S100Z: variants seen among roughly 807,000 people sequenced by gnomAD.
The protein encoded by S100Z is S100 calcium binding protein Z.
A neutral mutation model predicts 8.5 loss-of-function variants in S100Z; 11 were observed. That is an observed-to-expected ratio of 1.30 (90% confidence interval 0.82 to 2.15). The LOEUF (loss-of-function observed/expected upper bound fraction) is 2.15. Among genes scored for constraint, S100Z ranks in the 30% most tolerant of loss-of-function variants. The probability of loss-of-function intolerance (pLI) is 0.00; values close to 1 mark genes in which losing one functional copy is unlikely to be tolerated. For missense variants in S100Z, 126 were observed against 117.9 expected (o/e 1.07, Z -0.32); for synonymous variants, 34 against 43.8 (o/e 0.78, Z 0.89).
At chr5:76,896,224 C>T (rs111548043) in intron 4 of S100Z, among the ~76,000 whole-genome samples, 13 of 152,266 alleles carry the variant, frequency 8.5e-5, no homozygotes, top group African/African-American at 3.1e-4. Context: ...TCATTCTACT[C>T]TCTATGTCCA....
In S100Z at chr5:76,899,817, T is replaced by C. The variant is rs139603226; in HGVS notation, c.*3-20900T>C. The stretch of plus-strand genomic sequence containing the variant: ...TGCAGTGTTATTCTTTGTTTTTCTC[T>C]ATACTTACTATTATCAGTGAGTTTT... On this transcript the variant is annotated intron_variant, in intron 4 of 4. Coordinates refer to ENST00000317593, the MANE Select transcript of S100Z (RefSeq NM_130772.4). Among the ~76,000 whole-genome samples the C allele has an allele frequency of 1.4e-3, 216 of 152,348 alleles. 1 individual carries two copies. The highest frequency in any genetic ancestry group is 4.0e-3 in the African/African-American group (165 of 41,578).
At chr5:76,907,025 C>CAT (rs1186027835) in intron 4 of S100Z, among the ~76,000 whole-genome samples, 14 of 73,906 alleles carry the variant, frequency 1.9e-4, no homozygotes, top group African/African-American at 1.0e-3. Flanking sequence ...TATATATATA[C>CAT]ATATATATAT....
chr5:76,886,457 C>T (rs867721080), intron 4 of S100Z, among the ~76,000 whole-genome samples: 5 of 152,244 alleles, frequency 3.3e-5, no homozygotes, highest in African/African-American at 4.8e-5. Context: ...GATTTAAAAT[C>T]GGTGAGATGT....
intron 4 of S100Z, among the ~76,000 whole-genome samples, chr5:76,897,995 T>C (rs984863677): frequency 6.6e-6 from 1 of 152,194 alleles, no homozygotes; most frequent in Non-Finnish European, 1.5e-5. Context: ...GTCTGATTAC[T>C]CTAGCTAGGA....
intron 2 of S100Z, among the ~76,000 whole-genome samples, chr5:76,871,218 A>G (rs1742998577): frequency 6.6e-6 from 1 of 152,198 alleles, no homozygotes; most frequent in Non-Finnish European, 1.5e-5. Flanking sequence ...CATATTTTGA[A>G]ATGGTCCTGT....
At chr5:76,897,453 AT>A (rs200686047) in intron 4 of S100Z, among the ~76,000 whole-genome samples, 4 of 148,508 alleles carry the variant, frequency 2.7e-5, no homozygotes, top group East Asian at 1.9e-4. Flanking sequence ...AAAAAAAATA[AT>A]AATAATAATA....
intron 1 of S100Z, among the ~76,000 whole-genome samples, chr5:76,851,496 G>A (rs1015846793): frequency 6.6e-6 from 1 of 152,148 alleles, no homozygotes. Context: ...ATACAACCTG[G>A]CAACTGATTG....
At chr5:76,926,759 G>T in the S100Z span, among the ~76,000 whole-genome samples, 1 of 152,164 alleles carries the variant, frequency 6.6e-6, no homozygotes, top group South Asian at 2.1e-4. Context: ...CTCTTCTCAG[G>T]AATTGACAGT....
At chr5:76,944,668 T>C in the S100Z span, among the ~76,000 whole-genome samples, 1 of 152,188 alleles carries the variant, frequency 6.6e-6, no homozygotes, top group South Asian at 2.1e-4. Flanking sequence ...GCTGTCCTTA[T>C]TTAGATCCTC....
At chr5:76,860,899 C>T (rs1040677898) in intron 1 of S100Z, among the ~76,000 whole-genome samples, 24 of 152,174 alleles carry the variant, frequency 1.6e-4, no homozygotes, top group Admixed American at 1.3e-3. Context: ...ATTTCTGGAA[C>T]ATTCTAATAG....
chr5:76,857,276 G>A (rs1750909827), intron 1 of S100Z, among the ~76,000 whole-genome samples: 3 of 151,852 alleles, frequency 2.0e-5, no homozygotes, highest in African/African-American at 7.3e-5. Flanking sequence ...TGGGCAACAG[G>A]CAAGACTCCA....
downstream of S100Z, chr5:76,921,790 C>A (rs1397154221): frequency 6.6e-6 from 1 of 152,226 alleles, no homozygotes; most frequent in East Asian, 1.9e-4. Context: ...GAGTTAGAAA[C>A]CAGCTTGGCC....
Position 76,885,837 on chromosome 5 carries a change from G to A in S100Z, c.*2+8003G>A, listed in dbSNP as rs190419044. ...TGGAGAGAAAAGACAGTAGAGGCAC[G>A]GAGAGAAGGGGTGGGGGGTGCTTGT... On this transcript the variant is annotated intron_variant, in intron 4 of 4. Transcript: ENST00000317593. Among the ~76,000 whole-genome samples, 43 of 150,370 alleles carry A rather than the reference G, an allele frequency of 2.9e-4. 2 individuals are homozygous for A. In the East Asian group the frequency reaches 7.4e-3, roughly 26 times the overall value.
At chr5:76,942,772 G>A in the S100Z span, among the ~76,000 whole-genome samples, 1 of 152,214 alleles carries the variant, frequency 6.6e-6, no homozygotes, top group East Asian at 1.9e-4. Flanking sequence ...ATGCCTCACA[G>A]ATGGTGATTC....
chr5:76,884,698 C>T (rs1222253759), intron 4 of S100Z, among the ~76,000 whole-genome samples: 6 of 152,024 alleles, frequency 3.9e-5, no homozygotes, highest in African/African-American at 9.7e-5. Context: ...GGACTAGTCA[C>T]GGAACAAAAC....
intron 4 of S100Z, among the ~76,000 whole-genome samples, chr5:76,889,119 A>C (rs1298827753): frequency 6.6e-6 from 1 of 152,176 alleles, no homozygotes; most frequent in Non-Finnish European, 1.5e-5. Context: ...TAGCCATCGC[A>C]TGTAACTGGC....
At chr5:76,943,929 CA>C in the S100Z span, among the ~76,000 whole-genome samples, 96,043 of 151,842 alleles carry the variant, frequency 0.63, 30,733 homozygotes, top group South Asian at 0.77. Context: ...AAAACTTTGA[CA>C]TTTTTTTCAG....
chr5:76,913,981 A>G (rs1170149623), intron 4 of S100Z, among the ~76,000 whole-genome samples: 1 of 152,114 alleles, frequency 6.6e-6, no homozygotes, highest in Admixed American at 6.5e-5. Flanking sequence ...TTTGGGCCCT[A>G]TATTTTTAAC....
At chr5:76,950,762 C>T in the S100Z span, among the ~76,000 whole-genome samples, 2 of 152,080 alleles carry the variant, frequency 1.3e-5, no homozygotes, top group African/African-American at 2.4e-5. Context: ...TTTGCTTGAA[C>T]AAACAACTTT....
Sources: allele counts gnomAD v4.1 joint callset (sites outside exome capture counted in the v4.1 genomes callset), GRCh38; gene constraint gnomAD v4.1.1; transcripts MANE v1.5; gene names NCBI Gene and HGNC (gene_info 2026-07-23, HGNC 2026-07-21).